The following SASH1 variants were observed in gnomAD, a reference collection of about 807,000 sequenced individuals.
SASH1 encodes the protein SAM and SH3 domain-containing protein 1.
In SASH1, 44 loss-of-function variants were observed where a neutral mutation model predicts 125.2. The ratio of observed to expected loss-of-function variants is 0.35; its 90% CI spans 0.28 to 0.45. The LOEUF (loss-of-function observed/expected upper bound fraction) is 0.45, where lower values mean the gene tolerates loss of function less well. Among genes scored for constraint, SASH1 ranks in the 20% least tolerant of loss-of-function variants. The pLI, the probability that SASH1 is intolerant of heterozygous loss-of-function variation, is 1.00. For synonymous variants in SASH1, 639 were observed against 649.1 expected (o/e 0.98, Z 0.24); for missense variants, 1,426 against 1,614.5 (o/e 0.88, Z 2.00).
chr6:148,365,637 A>G (rs1782418602), intron 1 of SASH1, among the ~76,000 whole-genome samples: 1 of 152,094 alleles, frequency 6.6e-6, no homozygotes, highest in South Asian at 2.1e-4. Flanking sequence ...AATGGCTCAC[A>G]TAATGGGAGC....
chr6:148,282,820 C>T (rs2128506175), intron 1 of SASH1, among the ~76,000 whole-genome samples: 1 of 152,220 alleles, frequency 6.6e-6, no homozygotes, highest in South Asian at 2.1e-4. Context: ...TCTTTTATTT[C>T]AGATGCGGTA....
intron 7 of SASH1, among the ~76,000 whole-genome samples, chr6:148,476,645 A>G (rs993216042): frequency 3.9e-5 from 6 of 152,150 alleles, no homozygotes; most frequent in African/African-American, 1.2e-4. Flanking sequence ...ATGCCGTTGA[A>G]CTCCAACGTG....
At chr6:148,280,093 A>T (rs907939732) in intron 1 of SASH1, among the ~76,000 whole-genome samples, 7 of 129,116 alleles carry the variant, frequency 5.4e-5, no homozygotes, top group African/African-American at 2.1e-4. Flanking sequence ...ATAACAAAAG[A>T]AAAAAAAGAT....
the SASH1 span, among the ~76,000 whole-genome samples, chr6:148,260,971 AT>A: frequency 6.6e-6 from 1 of 151,638 alleles, no homozygotes; most frequent in Non-Finnish European, 1.5e-5. Context: ...CACCCGGCTA[AT>A]TTTTGTATTT....
intron 2 of SASH1, among the ~76,000 whole-genome samples, chr6:148,433,834 CTT>C (rs1353837965): frequency 6.6e-6 from 1 of 151,468 alleles, no homozygotes; most frequent in Non-Finnish European, 1.5e-5. Flanking sequence ...ACTTTGGGGA[CTT>C]TTATTAAGTT....
intron 8 of SASH1, among the ~76,000 whole-genome samples, chr6:148,499,993 A>G (rs888178693): frequency 2.0e-5 from 3 of 152,206 alleles, no homozygotes; most frequent in East Asian, 3.8e-4. Context: ...AGAAGCAACT[A>G]TTAGGAATTT....
chr6:148,408,255 C>T (rs984205279), intron 2 of SASH1, among the ~76,000 whole-genome samples: 10 of 150,268 alleles, frequency 6.7e-5, no homozygotes, highest in Non-Finnish European at 1.3e-4. Flanking sequence ...CTACAGGTGC[C>T]CGCCACCACG....
intron 2 of SASH1, among the ~76,000 whole-genome samples, chr6:148,428,693 C>A (rs1775932190): frequency 1.3e-5 from 2 of 148,348 alleles, no homozygotes; most frequent in Admixed American, 1.3e-4. Context: ...ACAGAGAGCA[C>A]TAATGGCTGG....
chr6:148,249,186 A>G, the SASH1 span, among the ~76,000 whole-genome samples: 384 of 152,374 alleles, frequency 2.5e-3, 1 homozygote, highest in African/African-American at 8.4e-3. Context: ...CTTATTGTCT[A>G]ACAAAGAATA....
chr6:148,265,130 C>A, the SASH1 span, among the ~76,000 whole-genome samples: 1 of 151,808 alleles, frequency 6.6e-6, no homozygotes, highest in African/African-American at 2.4e-5. Context: ...AGAATTCCCA[C>A]ACAAAATGAC....
Position 148,548,748 on chromosome 6 carries a change from ATAAAT to A in SASH1, c.*193_*197del, listed in dbSNP as rs1054077161. ...CCTCCAGAAAAGCCCCCTCGAGGAA[ATAAAT>A]TAGTGCGGTTCTCTTTGACCCCCAA... is the stretch of plus-strand genomic sequence containing the variant. On this transcript the variant is annotated 3_prime_UTR_variant, in exon 20 of 20. Transcript: ENST00000367467. The A allele has an allele frequency of 2.1e-4, 120 of 561,206 alleles. 2 individuals are homozygous for A. In the South Asian group the frequency reaches 3.7e-3, roughly 17 times the overall value. The allele number at this position is 561,206 out of a possible 1,614,324, so 34.8% of individuals were successfully genotyped here. A position where few individuals can be genotyped will look rare whatever the true frequency, so the allele number is the denominator to read the frequency against.
At chr6:148,238,423 C>G in the SASH1 span, among the ~76,000 whole-genome samples, 1 of 152,080 alleles carries the variant, frequency 6.6e-6, no homozygotes, top group Non-Finnish European at 1.5e-5. Context: ...AGAGTTTCAT[C>G]ATGTTGGCCA....
chr6:148,202,373 C>T, the SASH1 span, among the ~76,000 whole-genome samples: 2 of 152,110 alleles, frequency 1.3e-5, no homozygotes, highest in Non-Finnish European at 2.9e-5. Context: ...GCCCACATAG[C>T]GAAAAGACAT....
At chr6:148,514,009 G>C (rs1204126965) in intron 8 of SASH1, 1 of 1,032,112 alleles carries the variant, frequency 9.7e-7, no homozygotes, top group East Asian at 8.8e-5. Flanking sequence ...GCATCGGAGG[G>C]AGAGTCCTGC....
At chr6:148,520,924 A>G (rs1246318423) in intron 10 of SASH1, among the ~76,000 whole-genome samples, 1 of 152,220 alleles carries the variant, frequency 6.6e-6, no homozygotes, top group Non-Finnish European at 1.5e-5. Flanking sequence ...AACAACAAAA[A>G]TGGGAGCTTT....
At position 148,519,655 on chromosome 6, in the gene SASH1, C is replaced by T. The variant is rs547817602; in HGVS notation, c.971C>T (p.Pro324Leu). The T allele has an allele frequency of 1.9e-6, 3 of 1,614,130 alleles. No homozygotes were observed. The South Asian group carries it at 3.3e-5, about 18-fold the overall frequency. Residue 324 changes from proline to leucine, a missense_variant, in exon 10 of 20, where the codon CCT (proline) becomes CTT (leucine). Physicochemically the swap from Pro to Leu is moderately conservative, Grantham distance 98. Around this residue, in one of 3 missense-constraint regions of SASH1, gnomAD observed 567 missense variants for 575.6 expected, o/e 0.99. Transcript: ENST00000367467. The surrounding 1 kb of genome is among the most constrained non-coding windows in gnomAD (Gnocchi z 4.8). Reference protein sequence around the residue: ...PLFFDGSPEKPPEDDSDSLTT... With the variant: ...PLFFDGSPEKLPEDDSDSLTT... The stretch of plus-strand genomic sequence containing the variant: ...TTCTTTGATGGCTCTCCTGAGAAAC[C>T]TCCCGAAGATGACTCAGACTCTCTC...
upstream of SASH1, among the ~76,000 whole-genome samples, chr6:148,340,410 G>T (rs1434261831): frequency 6.6e-6 from 1 of 151,726 alleles, no homozygotes; most frequent in Non-Finnish European, 1.5e-5. Flanking sequence ...TTGAACCTGG[G>T]AGGCAGAGGT....
At chr6:148,305,374 G>A (rs1396253193) in intron 1 of SASH1, among the ~76,000 whole-genome samples, 2 of 151,428 alleles carry the variant, frequency 1.3e-5, no homozygotes, top group East Asian at 3.9e-4. Flanking sequence ...TCGGGAAACC[G>A]AGGCGGGGGG....
At chr6:148,502,824 C>T (rs1779615818) in intron 8 of SASH1, among the ~76,000 whole-genome samples, 1 of 152,176 alleles carries the variant, frequency 6.6e-6, no homozygotes, top group Non-Finnish European at 1.5e-5. Context: ...TGGAAATATC[C>T]CTAAACCCAT....
Sources: gnomAD v4.1 joint callset for allele counts (sites outside exome capture counted in the v4.1 genomes callset) on GRCh38, gnomAD v4.1.1 for gene constraint, gnomAD v4.1.1 regional missense constraint, Gnocchi (gnomAD v3.1) non-coding constraint, MANE v1.5 for transcripts, NCBI Gene and HGNC (gene_info 2026-07-23, HGNC 2026-07-21) for gene names.